TSPAN9: variants seen among roughly 807,000 people sequenced by gnomAD.
TSPAN9 encodes the protein tetraspanin 9, also known as tetraspanin-9.
Under a neutral mutation model 31.0 loss-of-function variants are expected in TSPAN9, and 16 were observed. The ratio of observed to expected loss-of-function variants is 0.52; its 90% CI spans 0.35 to 0.78. TSPAN9 has a LOEUF of 0.78. Ranked by LOEUF, TSPAN9 falls within the 30% of genes least tolerant of loss-of-function variation. The pLI is 0.01. For synonymous variants in TSPAN9, 145 were observed against 121.6 expected (o/e 1.19, Z -1.27); for missense variants, 272 against 312.5 (o/e 0.87, Z 0.98).
intron 3 of TSPAN9, among the ~76,000 whole-genome samples, chr12:3,223,419 G>A (rs1362912213): frequency 6.6e-6 from 1 of 152,170 alleles, no homozygotes; most frequent in African/African-American, 2.4e-5. Flanking sequence ...GTGGAGATGT[G>A]GGACAGGGAC....
At chr12:3,161,696 G>T (rs1383581193) in intron 2 of TSPAN9, among the ~76,000 whole-genome samples, 1 of 152,188 alleles carries the variant, frequency 6.6e-6, no homozygotes, top group Admixed American at 6.5e-5. Flanking sequence ...CTGTGTGTGT[G>T]TAACTTGCTG....
chr12:3,217,048 AG>A (rs1237432752), intron 3 of TSPAN9, among the ~76,000 whole-genome samples: 1 of 152,246 alleles, frequency 6.6e-6, no homozygotes, highest in East Asian at 1.9e-4. Flanking sequence ...GACTGCTCAG[AG>A]GGCAGCCTGT....
At chr12:3,158,416 C>T (rs578235677) in intron 2 of TSPAN9, among the ~76,000 whole-genome samples, 15 of 152,202 alleles carry the variant, frequency 9.9e-5, no homozygotes, top group African/African-American at 2.7e-4. Flanking sequence ...TTTGTGCTGC[C>T]GTCCTCCACT....
intron 3 of TSPAN9, among the ~76,000 whole-genome samples, chr12:3,265,074 T>C (rs1053031942): frequency 2.6e-5 from 4 of 152,086 alleles, no homozygotes; most frequent in Non-Finnish European, 5.9e-5. Context: ...CTCACGATCT[T>C]GTGTGTGGTA....
chr12:3,227,664 C>T lies in TSPAN9; in HGVS notation c.63+26408C>T, dbSNP rs527735402. On this transcript the variant is annotated intron_variant, in intron 3 of 8. Transcript: ENST00000011898. ...CCGGCCCCAGCCTCCCCTTCTCACA[C>T]GGACTCACACTCCATCTCCACTGGC... Among the ~76,000 whole-genome samples, 14 of 152,306 alleles carry T rather than the reference C, an allele frequency of 9.2e-5. No homozygotes were observed. The East Asian group carries it at 1.2e-3, about 13-fold the overall frequency.
intron 2 of TSPAN9, among the ~76,000 whole-genome samples, chr12:3,156,951 C>T (rs1288459231): frequency 6.6e-6 from 1 of 152,204 alleles, no homozygotes; most frequent in East Asian, 1.9e-4. Context: ...TTGAGGGCCA[C>T]TGCATTTTGA....
chr12:3,130,323 T>C (rs1207188955), intron 2 of TSPAN9, among the ~76,000 whole-genome samples: 2 of 152,228 alleles, frequency 1.3e-5, no homozygotes, highest in Admixed American at 1.3e-4. Context: ...CCCCTCTATT[T>C]AACAACATTT....
chr12:3,109,299 T>TGTGTGTGTGTGTGA lies in TSPAN9; in HGVS notation c.-18+25581_-18+25582insTGTGTGTGTGTGAG, dbSNP rs1274383200. Among the ~76,000 whole-genome samples the TGTGTGTGTGTGTGA allele has an allele frequency of 2.5e-3, 293 of 118,336 alleles. 2 individuals are homozygous for TGTGTGTGTGTGTGA. Among genetic ancestry groups the TGTGTGTGTGTGTGA allele is most frequent in the African/African-American group, 0.012 (266 of 21,986 alleles). 77.6% of individuals were successfully genotyped at this position (118,336 alleles called of 152,430 possible). On this transcript the variant is annotated intron_variant, in intron 2 of 8. Coordinates refer to ENST00000011898, the MANE Select transcript of TSPAN9 (RefSeq NM_006675.5). ...GTGTGTGTGTGTGTGTGTGTGTGTG[T>TGTGTGTGTGTGTGA]GAGAGAGAGTGTGTGTGTGTGTGTG...
chr12:3,099,016 G>T (rs1418386839), intron 2 of TSPAN9, among the ~76,000 whole-genome samples: 1 of 152,182 alleles, frequency 6.6e-6, no homozygotes, highest in African/African-American at 2.4e-5. Context: ...GCTCTCCAAA[G>T]TGCTGGGTTT....
intron 3 of TSPAN9, among the ~76,000 whole-genome samples, chr12:3,208,131 G>A (rs150652583): frequency 1.2e-3 from 181 of 152,312 alleles, no homozygotes; most frequent in African/African-American, 4.1e-3. Flanking sequence ...TATTACTGTC[G>A]CTCCTGCGGT....
chr12:3,157,145 G>A (rs1468150193), intron 2 of TSPAN9, among the ~76,000 whole-genome samples: 1 of 151,464 alleles, frequency 6.6e-6, no homozygotes, highest in Admixed American at 6.6e-5. Context: ...TGTCACCCAG[G>A]CTGGAGTGCC....
chr12:3,106,115 C>G (rs191597837), intron 2 of TSPAN9, among the ~76,000 whole-genome samples: 206 of 152,374 alleles, frequency 1.4e-3, no homozygotes, highest in African/African-American at 4.7e-3. Context: ...CATGCCTGCC[C>G]ATGCTGTGGC....
chr12:3,158,198 T>C (rs553734610), intron 2 of TSPAN9, among the ~76,000 whole-genome samples: 13 of 152,260 alleles, frequency 8.5e-5, no homozygotes, highest in Admixed American at 2.6e-4. Context: ...GAGCATCCCC[T>C]GGGGCTTGCT....
intron 2 of TSPAN9, among the ~76,000 whole-genome samples, chr12:3,165,747 G>T (rs904968176): frequency 1.3e-5 from 2 of 152,200 alleles, no homozygotes; most frequent in African/African-American, 4.8e-5. Flanking sequence ...CGTGAGATTA[G>T]CCACTGAGCA....
At chr12:3,220,885 A>T (rs1316976384) in intron 3 of TSPAN9, among the ~76,000 whole-genome samples, 2 of 152,058 alleles carry the variant, frequency 1.3e-5, no homozygotes, top group Non-Finnish European at 2.9e-5. Flanking sequence ...TGAGGAACAC[A>T]TTGGCCTTTC....
At chr12:3,108,596 A>G (rs1350758028) in intron 2 of TSPAN9, among the ~76,000 whole-genome samples, 1 of 152,148 alleles carries the variant, frequency 6.6e-6, no homozygotes, top group East Asian at 1.9e-4. Flanking sequence ...CCCACTGTTT[A>G]GTTCAGGGAA....
At chr12:3,225,598 A>ATCTTC (rs1417600663) in intron 3 of TSPAN9, among the ~76,000 whole-genome samples, 1 of 152,066 alleles carries the variant, frequency 6.6e-6, no homozygotes, top group African/African-American at 2.4e-5. Flanking sequence ...TCCTCGTGGG[A>ATCTTC]AGATGAGCAA....
At chr12:3,138,460 C>T (rs779572552) in intron 2 of TSPAN9, among the ~76,000 whole-genome samples, 1 of 138,340 alleles carries the variant, frequency 7.2e-6, no homozygotes, top group Non-Finnish European at 1.6e-5. Context: ...TCTCTCCTCC[C>T]GTTTCTTTTT....
intron 2 of TSPAN9, among the ~76,000 whole-genome samples, chr12:3,105,776 A>ACACGCGCG (rs2098314160): frequency 1.0e-5 from 1 of 97,020 alleles, no homozygotes; most frequent in African/African-American, 2.8e-5. Context: ...GCGCACGCAC[A>ACACGCGCG]CACGCTCATA....
Sources: allele counts gnomAD v4.1 joint callset (sites outside exome capture counted in the v4.1 genomes callset), GRCh38; gene constraint gnomAD v4.1.1; transcripts MANE v1.5; gene names NCBI Gene and HGNC (gene_info 2026-07-23, HGNC 2026-07-21).